The following GRK4 variants were observed in gnomAD, a reference collection of about 807,000 sequenced individuals.
GRK4 encodes the protein G protein-coupled receptor kinase 4, also known as G protein-coupled receptor kinase 2-like.
Under a neutral mutation model 77.9 loss-of-function variants are expected in GRK4, and 73 were observed. The observed-to-expected ratio is 0.94, with a 90% CI of 0.78 to 1.14. The LOEUF (loss-of-function observed/expected upper bound fraction) is 1.14. Ranked by LOEUF, GRK4 falls within the 50% of genes most tolerant of loss-of-function variation. The pLI, the probability that GRK4 is intolerant of heterozygous loss-of-function variation, is 0.00. For missense variants in GRK4, 729 were observed against 700.2 expected (o/e 1.04, Z -0.46); for synonymous variants, 257 against 254.4 (o/e 1.01, Z -0.10).
intron 4 of GRK4, 59 bp from the exon 5 acceptor site, chr4:3,004,172 G>A: frequency 8.3e-7 from 1 of 1,204,826 alleles, no homozygotes; most frequent in Non-Finnish European, 1.2e-6. Context: ...ATTAGGTTCT[G>A]TTCACTAGTA....
At chr4:3,031,452 C>T (rs979217932) in intron 12 of GRK4, among the ~76,000 whole-genome samples, 5 of 152,106 alleles carry the variant, frequency 3.3e-5, no homozygotes, top group Admixed American at 6.5e-5. Context: ...CACACCTGGA[C>T]GGTGCAGGCT....
chr4:2,975,549 G>T (rs1400537606), intron 1 of GRK4, among the ~76,000 whole-genome samples: 1 of 152,120 alleles, frequency 6.6e-6, no homozygotes, highest in African/African-American at 2.4e-5. Context: ...TCCTTGATTA[G>T]CGCCCAGTTC....
intron 8 of GRK4, among the ~76,000 whole-genome samples, chr4:3,017,815 G>A (rs1048336461): frequency 3.9e-5 from 6 of 152,154 alleles, no homozygotes; most frequent in East Asian, 3.8e-4. Context: ...TTAAAAACTC[G>A]AAGCAAACCA....
intron 3 of GRK4, among the ~76,000 whole-genome samples, chr4:2,989,797 T>G (rs930542962): frequency 6.6e-6 from 1 of 152,236 alleles, no homozygotes; most frequent in East Asian, 1.9e-4. Context: ...TGTTTGAGAT[T>G]TACTGTGATT....
In GRK4 at chr4:3,038,315, G is replaced by A. The variant is rs571708249; in HGVS notation, c.1546-61G>A. On this transcript the variant is annotated intron_variant, in intron 14 of 15. Transcript: ENST00000398052. ...TGGGCAGGAGCTGCTGGCACTGGGA[G>A]ACACCCACTGACCTGGCAGTTTCTC... 3 of 1,601,892 alleles carry A rather than the reference G, an allele frequency of 1.9e-6. No homozygotes were observed. In the African/African-American group the frequency reaches 4.0e-5, roughly 21 times the overall value.
At chr4:2,973,695 C>A (rs1720255390) in intron 1 of GRK4, among the ~76,000 whole-genome samples, 1 of 152,208 alleles carries the variant, frequency 6.6e-6, no homozygotes, top group Admixed American at 6.5e-5. Flanking sequence ...TTGGCTCAAG[C>A]CGTCAGCGTC....
intron 12 of GRK4, among the ~76,000 whole-genome samples, chr4:3,032,534 A>T (rs1739461364): frequency 6.6e-6 from 1 of 152,192 alleles, no homozygotes; most frequent in Non-Finnish European, 1.5e-5. Flanking sequence ...ATAGAAACAA[A>T]GGCTCAGGGG....
chr4:2,982,632 T>C (rs966854912), intron 1 of GRK4, among the ~76,000 whole-genome samples: 1 of 152,218 alleles, frequency 6.6e-6, no homozygotes, highest in Non-Finnish European at 1.5e-5. Flanking sequence ...CTCAGCTCTG[T>C]ACTCCTTTAA....
chr4:3,027,788 C>A (rs2110037505), intron 10 of GRK4, 124 bp from the exon 11 acceptor site: 1 of 710,890 alleles, frequency 1.4e-6, no homozygotes, highest in Non-Finnish European at 2.4e-6. Context: ...GTTTACTGTT[C>A]CAGAGTATGA....
intron 1 of GRK4, among the ~76,000 whole-genome samples, chr4:2,982,856 T>C (rs917921232): frequency 6.6e-6 from 1 of 152,228 alleles, no homozygotes; most frequent in Admixed American, 6.5e-5. Context: ...AGGACATGGC[T>C]GTCACTGACA....
chr4:2,975,028 G>A (rs904971175), intron 1 of GRK4, among the ~76,000 whole-genome samples: 13 of 152,316 alleles, frequency 8.5e-5, no homozygotes, highest in Admixed American at 7.8e-4. Flanking sequence ...AATGAGGCCG[G>A]GCGCGGTGGC....
intron 8 of GRK4, among the ~76,000 whole-genome samples, chr4:3,016,522 A>ATCC (rs1734544297): frequency 7.1e-6 from 1 of 139,926 alleles, no homozygotes; most frequent in African/African-American, 2.8e-5. Context: ...ACAGAGTGAG[A>ATCC]CTCAATCTCC....
chr4:2,967,036 A>C (rs565714230), intron 1 of GRK4: 2 of 152,278 alleles, frequency 1.3e-5, no homozygotes, highest in East Asian at 3.9e-4. Flanking sequence ...AACCCTCGTG[A>C]ATGGTATTAG....
At chr4:3,012,587 A>G (rs997090201) in intron 7 of GRK4, among the ~76,000 whole-genome samples, 2 of 152,222 alleles carry the variant, frequency 1.3e-5, no homozygotes, top group Non-Finnish European at 2.9e-5. Flanking sequence ...TTGCTTTTAA[A>G]GCAGTCCCCT....
chr4:3,006,697 C>T (rs534261257), intron 5 of GRK4, among the ~76,000 whole-genome samples: 1 of 152,228 alleles, frequency 6.6e-6, no homozygotes, highest in Admixed American at 6.5e-5. Context: ...TCAATTGAGC[C>T]TGGGAGGTCA....
At chr4:2,977,816 G>C (rs1267517333) in intron 1 of GRK4, among the ~76,000 whole-genome samples, 1 of 152,218 alleles carries the variant, frequency 6.6e-6, no homozygotes, top group Admixed American at 6.5e-5. Context: ...CTGTTGTCCA[G>C]ATCACAGTCA....
In GRK4 at chr4:2,964,142, C is replaced by T; in HGVS notation, c.52+20C>T. 6.4e-7 allele frequency: 1 copy of T among 1,562,814 alleles called. No individual in the cohort carries two copies. Among genetic ancestry groups the T allele is most frequent in the Non-Finnish European group, 8.6e-7 (1 of 1,159,534 alleles). On this transcript the variant is annotated intron_variant, in intron 1 of 15. Transcript: ENST00000398052. ...GTCAAGGTGGGTGCGCGGCAGGCGC[C>T]CCCGACCCCCCCCCCAGAGAACCCC...
At chr4:3,011,682 C>T (rs1394190521) in intron 7 of GRK4, among the ~76,000 whole-genome samples, 1 of 152,208 alleles carries the variant, frequency 6.6e-6, no homozygotes, top group Non-Finnish European at 1.5e-5. Flanking sequence ...GCGGGGACAG[C>T]CTCGGTGCCC....
At chr4:3,038,650 A>G (rs1219028189) in intron 15 of GRK4, 137 bp downstream of exon 15, 5 of 907,902 alleles carry the variant, frequency 5.5e-6, no homozygotes, top group East Asian at 5.2e-5. Context: ...TGAGAGCCAC[A>G]TGGTGCTAGG....
Sources: gnomAD v4.1 joint callset for allele counts (sites outside exome capture counted in the v4.1 genomes callset) on GRCh38, gnomAD v4.1.1 for gene constraint, MANE v1.5 for transcripts, NCBI Gene and HGNC (gene_info 2026-07-23, HGNC 2026-07-21) for gene names.